The following KAT2B variants were observed in gnomAD, a reference collection of about 807,000 sequenced individuals.
KAT2B encodes histone acetyltransferase KAT2B.
In KAT2B, 36 loss-of-function variants were observed where a neutral mutation model predicts 105.9. The observed-to-expected ratio is 0.34, with a 90% CI of 0.26 to 0.45. The LOEUF is 0.45. KAT2B is among the 20% of genes least tolerant of loss of function. The pLI is 1.00. For missense variants in KAT2B, 820 were observed against 1,021.6 expected, an observed-to-expected ratio of 0.80 and a Z score of 2.69; for synonymous variants, 397 against 377.9, an observed-to-expected ratio of 1.05 and a Z score of -0.59.
At chr3:20,106,380 T>A (rs1699003019) in intron 5 of KAT2B, among the ~76,000 whole-genome samples, 1 of 152,174 alleles carries the variant, frequency 6.6e-6, no homozygotes, top group Admixed American at 6.5e-5. Context: ...GTTTCCTTCT[T>A]TCTGTCTCAC....
At chr3:20,058,445 C>A (rs1470250083) in intron 1 of KAT2B, among the ~76,000 whole-genome samples, 1 of 116,478 alleles carries the variant, frequency 8.6e-6, no homozygotes, top group Non-Finnish European at 1.7e-5. Flanking sequence ...ACGAGCGAGA[C>A]TCTGTCTCAA....
intron 1 of KAT2B, among the ~76,000 whole-genome samples, chr3:20,046,149 C>T (rs989569063): frequency 6.6e-6 from 1 of 152,194 alleles, no homozygotes; most frequent in Non-Finnish European, 1.5e-5. Flanking sequence ...GCTAAATAAA[C>T]GGAATTGCCT....
intron 1 of KAT2B, among the ~76,000 whole-genome samples, chr3:20,048,779 A>G (rs1391414628): frequency 6.6e-6 from 1 of 152,216 alleles, no homozygotes; most frequent in African/African-American, 2.4e-5. Flanking sequence ...CAAACGGGGA[A>G]TTAGAACAGG....
intron 11 of KAT2B, among the ~76,000 whole-genome samples, chr3:20,131,386 A>T (rs1427952333): frequency 6.6e-6 from 1 of 151,982 alleles, no homozygotes; most frequent in East Asian, 1.9e-4. Flanking sequence ...CACACTGCCC[A>T]AGATATTTAC....
At chr3:20,107,882 C>T (rs1575138293) in intron 5 of KAT2B, among the ~76,000 whole-genome samples, 1 of 140,312 alleles carries the variant, frequency 7.1e-6, no homozygotes, top group Non-Finnish European at 1.5e-5. Flanking sequence ...GATCTGAGCT[C>T]ACTGCAACCT....
At chr3:20,086,529 A>G (rs926831309) in intron 2 of KAT2B, among the ~76,000 whole-genome samples, 4 of 152,122 alleles carry the variant, frequency 2.6e-5, no homozygotes, top group Non-Finnish European at 4.4e-5. Context: ...TAAGCTCAGG[A>G]GGTCAAGGCT....
chr3:20,137,075 C>T (rs758295068), intron 12 of KAT2B, 23 bp downstream of exon 12: 2 of 1,134,936 alleles, frequency 1.8e-6, no homozygotes, highest in Admixed American at 1.7e-5. Flanking sequence ...CCACGCAACA[C>T]TGTTTTGTCA....
intron 7 of KAT2B, 99 bp downstream of exon 7, chr3:20,115,087 T>A: frequency 2.8e-6 from 2 of 722,572 alleles, no homozygotes; most frequent in Non-Finnish European, 4.8e-6. Flanking sequence ...TATAGTCAAA[T>A]GAGCTTAGCT....
In KAT2B at chr3:20,120,620, C is replaced by T. The variant is rs573652169; in HGVS notation, c.1276+897C>T. 2.1e-4 allele frequency among the ~76,000 whole-genome samples: 32 copies of T among 152,180 alleles called. 1 individual carries two copies. Among genetic ancestry groups the T allele is most frequent in the Admixed American group, 7.2e-4 (11 of 15,268 alleles). On this transcript the variant is annotated intron_variant, in intron 8 of 17. Transcript: ENST00000263754. ...GTGGAAAAAGGTAGTCTATTCCTTT[C>T]GTAGGAATAACTGCAAAGTCACATA...
chr3:20,151,458 TTTGAC>T (rs575183889), intron 17 of KAT2B, among the ~76,000 whole-genome samples: 9 of 152,128 alleles, frequency 5.9e-5, no homozygotes, highest in African/African-American at 2.2e-4. Context: ...TTTTTTCCCA[TTTGAC>T]TTATTTTTCC....
At chr3:20,098,234 T>TAA (rs11403508) in intron 3 of KAT2B, among the ~76,000 whole-genome samples, 64 of 143,298 alleles carry the variant, frequency 4.5e-4, no homozygotes, top group South Asian at 2.0e-3. Context: ...CGTCCCAAAT[T>TAA]AAAAAAAAAA....
chr3:20,138,471 G>A (rs575439168), intron 12 of KAT2B, among the ~76,000 whole-genome samples: 57 of 152,112 alleles, frequency 3.7e-4, no homozygotes, highest in Middle Eastern at 3.4e-3. Context: ...CCTCATTGAT[G>A]GTAATTTGCT....
At chr3:20,081,866 C>G (rs1698524832) in intron 2 of KAT2B, among the ~76,000 whole-genome samples, 1 of 100,864 alleles carries the variant, frequency 9.9e-6, no homozygotes, top group South Asian at 4.0e-4. Flanking sequence ...ATTTTATTTG[C>G]TGTCATTGGC....
At chr3:20,101,154 A>G in intron 4 of KAT2B, 133 bp from the exon 5 acceptor site, 1 of 690,008 alleles carries the variant, frequency 1.4e-6, no homozygotes, top group Non-Finnish European at 2.4e-6. Flanking sequence ...TTTTAGGGAA[A>G]AGGAAGAGAT....
In KAT2B at chr3:20,119,603, A is replaced by C. The variant is rs1699270967; in HGVS notation, c.1156A>C (p.Asn386His). 1 of 1,614,046 alleles carries C rather than the reference A, an allele frequency of 6.2e-7. No homozygotes were observed. Among genetic ancestry groups the C allele is most frequent in the Non-Finnish European group, 8.5e-7 (1 of 1,179,924 alleles). The part of the protein sequence containing the change: ...TSQLGIQTVI[N>H]PPPVAGTISY... ...TTCTCCTTTTGCCGGGGCAGTTATC[A>C]ATCCACCTCCTGTGGCTGGGACAAT... Residue 386 changes from asparagine to histidine, a missense_variant, in exon 8 of 18, where the codon AAT becomes CAT. Asn to His is a moderately conservative substitution (Grantham distance 68). Transcript: ENST00000263754.
At chr3:20,136,427 T>C (rs1699600258) in intron 11 of KAT2B, among the ~76,000 whole-genome samples, 1 of 152,182 alleles carries the variant, frequency 6.6e-6, no homozygotes, top group Non-Finnish European at 1.5e-5. Context: ...AAATTTAAAA[T>C]GCTATGTATG....
intron 1 of KAT2B, among the ~76,000 whole-genome samples, chr3:20,044,745 C>G (rs1258437087): frequency 6.6e-6 from 1 of 152,136 alleles, no homozygotes; most frequent in Non-Finnish European, 1.5e-5. Flanking sequence ...TAGAAATTAT[C>G]CAAATTCATC....
chr3:20,104,837 T>A (rs1480516728), intron 5 of KAT2B, among the ~76,000 whole-genome samples: 1 of 152,100 alleles, frequency 6.6e-6, no homozygotes, highest in African/African-American at 2.4e-5. Flanking sequence ...TTAAATTACT[T>A]CTCTGTTCTG....
At chr3:20,077,197 C>G (rs1698435125) in intron 2 of KAT2B, among the ~76,000 whole-genome samples, 1 of 152,166 alleles carries the variant, frequency 6.6e-6, no homozygotes, top group Admixed American at 6.5e-5. Context: ...TCTAGCCTGT[C>G]TGGGTATGGT....
Sources: gnomAD v4.1 joint callset for allele counts (sites outside exome capture counted in the v4.1 genomes callset) on GRCh38, gnomAD v4.1.1 for gene constraint, MANE v1.5 for transcripts, NCBI Gene and HGNC (gene_info 2026-07-23, HGNC 2026-07-21) for gene names.